CFTR: variants seen among roughly 807,000 people sequenced by gnomAD.
The protein encoded by CFTR is cystic fibrosis transmembrane conductance regulator.
A neutral mutation model predicts 171.6 loss-of-function variants in CFTR; 181 were observed. The observed-to-expected ratio is 1.05, with a 90% CI of 0.93 to 1.19. The LOEUF (loss-of-function observed/expected upper bound fraction) is 1.19. CFTR is among the 50% of genes most tolerant of loss of function. The pLI, the probability that CFTR is intolerant of heterozygous loss-of-function variation, is 0.00. For missense variants in CFTR, 1,968 were observed against 1,734.7 expected (o/e 1.13, Z -2.39); for synonymous variants, 583 against 608.0 (o/e 0.96, Z 0.60).
At chr7:117,560,846 G>A (rs903306696) in intron 11 of CFTR, 7 of 151,982 alleles carry the variant, frequency 4.6e-5, no homozygotes, top group Non-Finnish European at 8.8e-5. Context: ...TGTTTCTAGC[G>A]GACACAGATA....
rs57319132 is a variant in CFTR at position 117,661,983 on chromosome 7, G to GAAAAA, written c.3964-2686_3964-2682dup. 3.4e-5 allele frequency among the ~76,000 whole-genome samples: 3 copies of GAAAAA among 87,536 alleles called. 1 individual carries two copies. The highest frequency in any genetic ancestry group is 7.1e-5 in the Non-Finnish European group (3 of 42,242). 57.4% of individuals were successfully genotyped at this position (87,536 alleles called of 152,430 possible). A position where few individuals can be genotyped will look rare whatever the true frequency, so the allele number is the denominator to read the frequency against. ...CCTTTTCTTGCTGGTTAATTTTACTGAAAAAAAAAAAAAAAAAAAAAAACC... is the reference window on the plus strand; with the variant it reads ...CCTTTTCTTGCTGGTTAATTTTACTGAAAAAAAAAAAAAAAAAAAAAAAAAAAACC... On this transcript the variant is annotated intron_variant, in intron 24 of 26. Transcript: ENST00000003084.
In CFTR at chr7:117,590,432, T is replaced by A. The variant is rs767349773; in HGVS notation, c.1759T>A (p.Phe587Ile). ...YLDVLTEKEI[F>I]ESCVCKLMAN... ...AGATGTTTTAACAGAAAAAGAAATA[T>A]TTGAAAGGTATGTTCTTTGAATACC... The change falls in exon 13 of 27, where the codon TTT becomes ATT. Residue 587 changes from phenylalanine (F) to isoleucine (I), a missense_variant. By Grantham distance (21) the Phe-to-Ile change is conservative (BLOSUM62 0). Transcript: ENST00000003084. The A allele has an allele frequency of 6.2e-7, 1 of 1,601,546 alleles. No individual in the cohort carries two copies. Among genetic ancestry groups the A allele is most frequent in the Non-Finnish European group, 8.5e-7 (1 of 1,171,222 alleles).
chr7:117,651,974 TAAA>T, intron 23 of CFTR, among the ~76,000 whole-genome samples: 1 of 152,062 alleles, frequency 6.6e-6, no homozygotes, highest in African/African-American at 2.4e-5. Flanking sequence ...AAAAAAAGGG[TAAA>T]AAAAATATTC....
chr7:117,613,309 CA>C lies in CFTR; in HGVS notation c.3368-1302del, dbSNP rs563829255. ...TAGGGGCAATAATCAAAACATTTAA[CA>C]ATCATTATAGTACAGAACTTACCAA... On this transcript the variant is annotated intron_variant, in intron 20 of 26. Coordinates refer to ENST00000003084, the MANE Select transcript of CFTR (RefSeq NM_000492.4). 3.9e-5 allele frequency among the ~76,000 whole-genome samples: 6 copies of C among 152,216 alleles called. No individual in the cohort carries two copies. In the East Asian group the frequency reaches 1.2e-3, roughly 29 times the overall value.
At chr7:117,576,293 G>A (rs935548837) in intron 11 of CFTR, among the ~76,000 whole-genome samples, 25 of 152,182 alleles carry the variant, frequency 1.6e-4, no homozygotes, top group South Asian at 1.2e-3. Context: ...TTAGAAAAGC[G>A]TCAGAATTGA....
chr7:117,564,428 A>T (rs975613498), intron 11 of CFTR: 1 of 152,494 alleles, frequency 6.6e-6, no homozygotes, highest in Non-Finnish European at 1.5e-5. Flanking sequence ...TAAGAATTCA[A>T]TACAGTATAA....
intron 11 of CFTR, among the ~76,000 whole-genome samples, chr7:117,577,330 A>G (rs1239419740): frequency 1.3e-5 from 2 of 152,116 alleles, no homozygotes; most frequent in Non-Finnish European, 2.9e-5. Context: ...TGAAGTTCAC[A>G]TGGATCCAAT....
Position 117,636,818 on chromosome 7 carries a change from C to CT in CFTR, c.3718-5607dup, listed in dbSNP as rs761365825. ...CTACTTTTTCCATGAAAACCTTTAG[C>CT]TTTTTTTTTTTTTCTTTTTGAGGTG... On this transcript the variant is annotated intron_variant, in intron 22 of 26. Coordinates refer to ENST00000003084, the MANE Select transcript of CFTR (RefSeq NM_000492.4). Among the ~76,000 whole-genome samples, 1,033 of 144,362 alleles carry CT rather than the reference C, an allele frequency of 7.2e-3. 4 individuals are homozygous for CT. Among genetic ancestry groups the CT allele is most frequent in the African/African-American group, 8.7e-3 (343 of 39,608 alleles). 94.7% of individuals were successfully genotyped at this position (144,362 alleles called of 152,430 possible).
chr7:117,590,242 A>G, intron 12 of CFTR, 111 bp from the exon 13 acceptor site: 1 of 1,267,300 alleles, frequency 7.9e-7, no homozygotes, highest in Non-Finnish European at 1.1e-6. Flanking sequence ...CAGTGAATCG[A>G]TGTGGTGACC....
At chr7:117,632,380 A>G (rs1792760412) in intron 22 of CFTR, among the ~76,000 whole-genome samples, 1 of 152,008 alleles carries the variant, frequency 6.6e-6, no homozygotes, top group African/African-American at 2.4e-5. Flanking sequence ...CCTGGGCAAC[A>G]TGGCAAAATG....
chr7:117,594,232 C>T (rs1792083940), intron 14 of CFTR, among the ~76,000 whole-genome samples: 1 of 152,176 alleles, frequency 6.6e-6, no homozygotes, highest in Non-Finnish European at 1.5e-5. Context: ...TGCACTATAT[C>T]CCAATTCCAT....
rs1797987412 is a variant in CFTR at position 117,480,611 on chromosome 7, G to A, written c.53+464G>A. On this transcript the variant is annotated intron_variant, in intron 1 of 26. Transcript: ENST00000003084. Reference sequence around the variant, plus strand: ...TCAGCCAACAAAAATTTTGGGGTAGGTAGAAAATATATGCTTAAAGTATTT... The same window carrying A: ...TCAGCCAACAAAAATTTTGGGGTAGATAGAAAATATATGCTTAAAGTATTT... Among the ~76,000 whole-genome samples, 3 of 151,988 alleles carry A rather than the reference G, an allele frequency of 2.0e-5. No homozygotes were observed. In the South Asian group the frequency reaches 6.2e-4, roughly 32 times the overall value.
chr7:117,625,278 T>G (rs989134951), intron 21 of CFTR, among the ~76,000 whole-genome samples: 4 of 152,178 alleles, frequency 2.6e-5, no homozygotes, highest in Non-Finnish European at 5.9e-5. Context: ...GACAATGAGT[T>G]GGAAAGTTAC....
chr7:117,500,532 C>T (rs1798307603), intron 1 of CFTR, among the ~76,000 whole-genome samples: 1 of 151,892 alleles, frequency 6.6e-6, no homozygotes, highest in African/African-American at 2.4e-5. Context: ...TCAGGTGATC[C>T]ACCCACCTCG....
At chr7:117,501,395 A>C (rs1798323049) in intron 1 of CFTR, among the ~76,000 whole-genome samples, 1 of 152,040 alleles carries the variant, frequency 6.6e-6, no homozygotes, top group Admixed American at 6.6e-5. Context: ...CCATTATTAA[A>C]AATTAAATTA....
At chr7:117,665,848 G>C (rs1793367821) in intron 26 of CFTR, among the ~76,000 whole-genome samples, 1 of 152,150 alleles carries the variant, frequency 6.6e-6, no homozygotes, top group Non-Finnish European at 1.5e-5. Flanking sequence ...TGGGGACCAA[G>C]TCATACAAAA....
intron 7 of CFTR, among the ~76,000 whole-genome samples, chr7:117,537,340 G>A (rs962370431): frequency 2.6e-5 from 4 of 152,172 alleles, no homozygotes; most frequent in African/African-American, 9.7e-5. Flanking sequence ...ACTGAGATAT[G>A]ATTACTGAGA....
intron 4 of CFTR, among the ~76,000 whole-genome samples, chr7:117,533,064 C>CT (rs1241478640): frequency 6.6e-6 from 1 of 152,116 alleles, no homozygotes; most frequent in Non-Finnish European, 1.5e-5. Context: ...TGAGCTTTGC[C>CT]TATACTTTTC....
Position 117,509,019 on chromosome 7 carries a change from T to G in CFTR, c.165-15T>G, listed in dbSNP as rs1266108309. On this transcript the variant is annotated splice_polypyrimidine_tract_variant and intron_variant, in intron 2 of 26. Coordinates refer to ENST00000003084, the MANE Select transcript of CFTR (RefSeq NM_000492.4). The stretch of plus-strand genomic sequence containing the variant: ...CACATGCAACTTATTGGTCCCACTT[T>G]TTATTCTTTTGCAGAGAATGGGATA... The G allele has an allele frequency of 2.0e-6, 3 of 1,520,844 alleles. No individual in the cohort carries two copies. Among genetic ancestry groups the G allele is most frequent in the East Asian group, 2.3e-5 (1 of 44,392 alleles). The allele number at this position is 1,520,844 out of a possible 1,614,324, so 94.2% of individuals were successfully genotyped here.
Sources: gnomAD v4.1 joint callset for allele counts (sites outside exome capture counted in the v4.1 genomes callset) on GRCh38, gnomAD v4.1.1 for gene constraint, MANE v1.5 for transcripts, NCBI Gene and HGNC (gene_info 2026-07-23, HGNC 2026-07-21) for gene names.